CSMD2: variants seen among roughly 807,000 people sequenced by gnomAD.
The protein encoded by CSMD2 is CUB and Sushi multiple domains 2.
A neutral mutation model predicts 398.5 loss-of-function variants in CSMD2; 130 were observed. That is an observed-to-expected ratio of 0.33 (90% CI 0.28 to 0.38). CSMD2 has a LOEUF of 0.38. Ranked by LOEUF, CSMD2 falls within the 10% of genes least tolerant of loss-of-function variation. The probability of loss-of-function intolerance (pLI) is 1.00; values close to 1 mark genes in which losing one functional copy is unlikely to be tolerated. For synonymous variants in CSMD2, 1,828 were observed against 1,908.5 expected, an observed-to-expected ratio of 0.96 and a Z score of 1.10; for missense variants, 3,829 against 4,764.9, an observed-to-expected ratio of 0.80 and a Z score of 5.78.
intron 44 of CSMD2, chr1:33,600,087 C>T (rs1037536174): frequency 4.4e-6 from 3 of 681,572 alleles, no homozygotes; most frequent in African/African-American, 3.6e-5. Flanking sequence ...AGAATTCTTA[C>T]AGGTCACAAA....
At chr1:33,781,852 C>T (rs917733759) in intron 12 of CSMD2, among the ~76,000 whole-genome samples, 3 of 152,122 alleles carry the variant, frequency 2.0e-5, no homozygotes, top group African/African-American at 4.8e-5. Context: ...GGGAGACTGG[C>T]TCAGAGTGCT....
chr1:33,868,485 C>T (rs923661371), intron 5 of CSMD2, among the ~76,000 whole-genome samples: 8 of 152,068 alleles, frequency 5.3e-5, no homozygotes, highest in African/African-American at 7.2e-5. Flanking sequence ...TACCTGTAAT[C>T]CCAGCACTTT....
At chr1:33,864,518 T>A (rs761894571) in intron 5 of CSMD2, 43 of 1,613,902 alleles carry the variant, frequency 2.7e-5, no homozygotes, top group Non-Finnish European at 3.1e-5. Flanking sequence ...ACCACTATGC[T>A]CAGCTGAAGA....
At chr1:33,529,903 TAGAG>T (rs1422997618) in intron 64 of CSMD2, among the ~76,000 whole-genome samples, 2 of 152,166 alleles carry the variant, frequency 1.3e-5, no homozygotes, top group Non-Finnish European at 2.9e-5. Context: ...GTATTTTAGA[TAGAG>T]AAAGAACACT....
chr1:33,788,684 T>C lies in CSMD2; in HGVS notation c.1579A>G (p.Ile527Val), dbSNP rs150981002. 6 of 1,612,332 alleles carry C rather than the reference T, an allele frequency of 3.7e-6. No homozygotes were observed. In the African/African-American group the frequency reaches 8.0e-5, roughly 22 times the overall value. ...ILTGTSVPDL[I>V]VSTNHQMWLL... ...CACATTTGATGATTGGTGCTGACAATGAGATCCGGGACCGATGTACCTGTC... is the reference window on the plus strand; with the variant it reads ...CACATTTGATGATTGGTGCTGACAACGAGATCCGGGACCGATGTACCTGTC... Residue 527 changes from isoleucine (I) to valine (V), a missense_variant, in exon 12 of 71, where the codon ATT (isoleucine) becomes GTT (valine). Ile to Val is a conservative substitution (Grantham distance 29). Around this residue, in one of 5 missense-constraint regions of CSMD2, gnomAD observed 2,001 missense variants for 2,567.1 expected, o/e 0.78. Coordinates refer to ENST00000373381, the MANE Select transcript of CSMD2 (RefSeq NM_001281956.2).
chr1:33,890,904 A>G (rs1208517555), intron 5 of CSMD2, among the ~76,000 whole-genome samples: 1 of 152,232 alleles, frequency 6.6e-6, no homozygotes, highest in Non-Finnish European at 1.5e-5. Context: ...TTCAAGATGG[A>G]TTAAAGACTT....
chr1:33,810,741 A>T lies in CSMD2; in HGVS notation c.1446+2T>A, dbSNP rs1292459869. Reference sequence around the variant, plus strand: ...CACCACCCCGCTCCCCAAGAGGCTTACCTTGGAGGGGTTGAGTGCTGTGAT... The same window carrying T: ...CACCACCCCGCTCCCCAAGAGGCTTTCCTTGGAGGGGTTGAGTGCTGTGAT... On this transcript the variant is annotated splice_donor_variant, in intron 10 of 70. Coordinates refer to ENST00000373381, the MANE Select transcript of CSMD2 (RefSeq NM_001281956.2). LOFTEE classifies it high-confidence loss of function. 1 of 1,612,660 alleles carries T rather than the reference A, an allele frequency of 6.2e-7. No homozygotes were observed. Among genetic ancestry groups the T allele is most frequent in the Admixed American group, 1.7e-5 (1 of 59,934 alleles).
intron 5 of CSMD2, among the ~76,000 whole-genome samples, chr1:33,855,353 A>G (rs968782791): frequency 2.6e-5 from 4 of 152,058 alleles, no homozygotes; most frequent in African/African-American, 7.2e-5. Context: ...TGGAACTTCT[A>G]TCAGGAAGGT....
chr1:33,800,280 T>C (rs1655438119), intron 10 of CSMD2, among the ~76,000 whole-genome samples: 1 of 152,086 alleles, frequency 6.6e-6, no homozygotes, highest in Admixed American at 6.5e-5. Context: ...GCTAGAGAAT[T>C]AACTCCTGGG....
chr1:34,066,798 A>G (rs1655167007), intron 2 of CSMD2, among the ~76,000 whole-genome samples: 1 of 152,168 alleles, frequency 6.6e-6, no homozygotes. Flanking sequence ...GCTCTCTGGG[A>G]AAGATGGGGC....
At chr1:33,756,115 T>G (rs1648976220) in intron 13 of CSMD2, among the ~76,000 whole-genome samples, 1 of 152,202 alleles carries the variant, frequency 6.6e-6, no homozygotes, top group Non-Finnish European at 1.5e-5. Context: ...AAAGCTTTCC[T>G]CTCTACCTGG....
At chr1:33,783,968 G>A (rs942100049) in intron 12 of CSMD2, among the ~76,000 whole-genome samples, 3 of 149,200 alleles carry the variant, frequency 2.0e-5, no homozygotes, top group African/African-American at 7.4e-5. Flanking sequence ...GGTGGGTTGA[G>A]TCCCCGGCCC....
At chr1:33,678,132 A>G (rs1644781422) in intron 25 of CSMD2, among the ~76,000 whole-genome samples, 1 of 151,500 alleles carries the variant, frequency 6.6e-6, no homozygotes, top group African/African-American at 2.4e-5. Flanking sequence ...AAAAAAAAAG[A>G]GCGTGGCTCC....
intron 40 of CSMD2, among the ~76,000 whole-genome samples, chr1:33,612,914 T>C (rs1368923989): frequency 6.6e-6 from 1 of 152,238 alleles, no homozygotes; most frequent in African/African-American, 2.4e-5. Flanking sequence ...TTGTATACAT[T>C]ATCTGAGGAG....
intron 3 of CSMD2, among the ~76,000 whole-genome samples, chr1:33,972,715 C>T (rs1645817669): frequency 6.6e-6 from 1 of 152,212 alleles, no homozygotes; most frequent in Non-Finnish European, 1.5e-5. Flanking sequence ...AACACCTTGA[C>T]TGTAGCTCAG....
rs114447795 is a variant in CSMD2 at position 34,118,356 on chromosome 1, A to T, written c.188-29163T>A. On this transcript the variant is annotated intron_variant, in intron 1 of 70. Transcript: ENST00000373381. ...GAAAGCTTTCCCTCTAAGATCAGGA[A>T]CAAGGTATGCATGCTCTCTCTCACC... Among the ~76,000 whole-genome samples, 1,175 of 152,334 alleles carry T rather than the reference A, an allele frequency of 7.7e-3. 24 individuals carry two copies. Among genetic ancestry groups the T allele is most frequent in the African/African-American group, 0.027 (1,116 of 41,570 alleles).
chr1:33,662,275 G>A (rs568572751), intron 26 of CSMD2, among the ~76,000 whole-genome samples: 8 of 152,200 alleles, frequency 5.3e-5, no homozygotes, highest in East Asian at 1.9e-4. Flanking sequence ...GAACCTGAGC[G>A]TGCAGCATGT....
At chr1:34,048,424 G>C (rs946690886) in intron 2 of CSMD2, among the ~76,000 whole-genome samples, 12 of 152,226 alleles carry the variant, frequency 7.9e-5, no homozygotes, top group African/African-American at 2.9e-4. Context: ...TTGTGTGCCA[G>C]AGAGACACAA....
intron 24 of CSMD2, among the ~76,000 whole-genome samples, chr1:33,694,248 G>A (rs957084740): frequency 6.6e-5 from 10 of 152,160 alleles, no homozygotes; most frequent in Admixed American, 6.5e-4. Context: ...CAGGGCCTGG[G>A]GAAGGGGACA....
Sources: gnomAD v4.1 joint callset for allele counts (sites outside exome capture counted in the v4.1 genomes callset) on GRCh38, gnomAD v4.1.1 for gene constraint, gnomAD v4.1.1 regional missense constraint, MANE v1.5 for transcripts, NCBI Gene and HGNC (gene_info 2026-07-23, HGNC 2026-07-21) for gene names.